NDST3: variants seen among roughly 807,000 people sequenced by gnomAD.
NDST3 encodes the protein bifunctional heparan sulfate N-deacetylase/N-sulfotransferase 3.
Under a neutral mutation model 96.1 loss-of-function variants are expected in NDST3, and 58 were observed. The ratio of observed to expected loss-of-function variants is 0.60; its 90% CI spans 0.49 to 0.75. NDST3 has a LOEUF of 0.75. Ranked by LOEUF, NDST3 falls within the 30% of genes least tolerant of loss-of-function variation. The probability of loss-of-function intolerance (pLI) is 0.00; values close to 1 mark genes in which losing one functional copy is unlikely to be tolerated. For missense variants in NDST3, 788 were observed against 1,034.2 expected, an observed-to-expected ratio of 0.76 and a Z score of 3.27; for synonymous variants, 333 against 359.7, an observed-to-expected ratio of 0.93 and a Z score of 0.84.
chr4:118,236,534 A>G (rs887733339), intron 9 of NDST3, among the ~76,000 whole-genome samples: 5 of 152,252 alleles, frequency 3.3e-5, no homozygotes, highest in African/African-American at 1.2e-4. Flanking sequence ...TATACCAGAT[A>G]TACTCTGCAT....
At chr4:118,140,325 T>C (rs1733469074) in intron 5 of NDST3, among the ~76,000 whole-genome samples, 2 of 152,212 alleles carry the variant, frequency 1.3e-5, no homozygotes, top group African/African-American at 4.8e-5. Flanking sequence ...TACAGGGATC[T>C]TATTCTCCTC....
intron 1 of NDST3, among the ~76,000 whole-genome samples, chr4:118,052,771 A>G (rs1725152946): frequency 6.6e-6 from 1 of 152,002 alleles, no homozygotes; most frequent in African/African-American, 2.4e-5. Context: ...TACCAGAGGA[A>G]GTGTAATCCT....
chr4:118,084,765 G>C (rs1364089441), intron 2 of NDST3, among the ~76,000 whole-genome samples: 1 of 152,112 alleles, frequency 6.6e-6, no homozygotes, highest in Non-Finnish European at 1.5e-5. Flanking sequence ...TTTTAACTTA[G>C]TTCCATAGGA....
At chr4:118,103,788 T>G (rs1384064810) in intron 2 of NDST3, among the ~76,000 whole-genome samples, 1 of 152,168 alleles carries the variant, frequency 6.6e-6, no homozygotes, top group African/African-American at 2.4e-5. Flanking sequence ...GACGCACATA[T>G]TACATGGTTC....
chr4:118,138,238 T>C lies in NDST3; in HGVS notation c.1409T>C (p.Met470Thr). 2 of 1,613,132 alleles carry C rather than the reference T, an allele frequency of 1.2e-6. No homozygotes were observed. The highest frequency in any genetic ancestry group is 1.7e-6 in the Non-Finnish European group (2 of 1,179,484). Residue 470 changes from methionine to threonine, a missense_variant and splice_region_variant, in exon 5 of 14, where the codon ATG (methionine) becomes ACG (threonine). Around this residue, in one of 3 missense-constraint regions of NDST3, gnomAD observed 490 missense variants for 708.8 expected, o/e 0.69. Coordinates refer to ENST00000296499, the MANE Select transcript of NDST3 (RefSeq NM_004784.3). ...AGGGGTTTTATCCACAAAAACATCA[T>C]GGTGAGCTTCCTCCAGTATGCATAG... ...YRRGFIHKNI[M>T]VLPRQTCGLF...
At chr4:118,075,466 T>A (rs552929515) in intron 2 of NDST3, among the ~76,000 whole-genome samples, 13 of 152,348 alleles carry the variant, frequency 8.5e-5, no homozygotes, top group African/African-American at 2.9e-4. Flanking sequence ...CCTTGAGGAA[T>A]CACCACACTG....
At chr4:118,224,429 T>C (rs771378324) in intron 6 of NDST3, 62 bp from the exon 7 acceptor site, 108 of 1,437,294 alleles carry the variant, frequency 7.5e-5, no homozygotes, top group Non-Finnish European at 1.0e-4. Context: ...TGGCTGTGAT[T>C]ATACTGCCCT....
chr4:118,059,117 T>C (rs1725691284), intron 2 of NDST3, among the ~76,000 whole-genome samples: 1 of 152,062 alleles, frequency 6.6e-6, no homozygotes, highest in African/African-American at 2.4e-5. Flanking sequence ...AGGTACACAT[T>C]CCTTTCAAAC....
chr4:118,082,119 G>A (rs1250985831), intron 2 of NDST3, among the ~76,000 whole-genome samples: 4 of 152,036 alleles, frequency 2.6e-5, no homozygotes, highest in African/African-American at 4.8e-5. Context: ...TCTCTGGTAC[G>A]TCACAAAACA....
At chr4:118,190,496 C>T (rs914738908) in intron 6 of NDST3, among the ~76,000 whole-genome samples, 7 of 152,078 alleles carry the variant, frequency 4.6e-5, no homozygotes, top group Non-Finnish European at 7.4e-5. Flanking sequence ...GGTACCTTCC[C>T]TAATGTCTTC....
chr4:118,048,869 C>T (rs1218416413), intron 1 of NDST3, among the ~76,000 whole-genome samples: 1 of 152,120 alleles, frequency 6.6e-6, no homozygotes, highest in Non-Finnish European at 1.5e-5. Context: ...ACCTGACCAA[C>T]TAGATCTAAT....
chr4:118,161,992 C>T (rs1233023677), intron 6 of NDST3, among the ~76,000 whole-genome samples: 1 of 152,180 alleles, frequency 6.6e-6, no homozygotes. Context: ...TAGACCGGAG[C>T]TGTTCCTATT....
Position 118,237,128 on chromosome 4 carries a change from G to A in NDST3, c.2026G>A (p.Glu676Lys). Residue 676 changes from glutamate to lysine, a missense_variant, in exon 10 of 14, where the codon GAA becomes AAA. Coordinates refer to ENST00000296499, the MANE Select transcript of NDST3 (RefSeq NM_004784.3). ...EKSANYFHSE[E>K]APKRAASLVP... ...GAGTGCCAATTACTTCCACTCAGAG[G>A]AAGCCCCTAAAAGAGCTGCTTCTCT... 6.2e-7 allele frequency: 1 copy of A among 1,613,446 alleles called. No individual in the cohort carries two copies. The highest frequency in any genetic ancestry group is 8.5e-7 in the Non-Finnish European group (1 of 1,179,674).
chr4:118,110,588 A>T (rs1449980266), intron 3 of NDST3, among the ~76,000 whole-genome samples: 5 of 152,244 alleles, frequency 3.3e-5, no homozygotes, highest in Admixed American at 6.5e-5. Context: ...GATTTTAAAT[A>T]TAATATCAGA....
chr4:118,197,293 G>A lies in NDST3; in HGVS notation c.1540-27198G>A, dbSNP rs189756497. On this transcript the variant is annotated intron_variant, in intron 6 of 13. Coordinates refer to ENST00000296499, the MANE Select transcript of NDST3 (RefSeq NM_004784.3). ...TGTCCTTCAGAATAATCTATATGCT[G>A]GGGAAAAGAATGTGTATTCTGCAGT... Among the ~76,000 whole-genome samples, 74 of 143,818 alleles carry A rather than the reference G, an allele frequency of 5.1e-4. 1 individual carries two copies. In the East Asian group the frequency reaches 0.012, roughly 23 times the overall value. 94.4% of individuals were successfully genotyped at this position (143,818 alleles called of 152,430 possible).
At position 118,126,542 on chromosome 4, in the gene NDST3, A is replaced by G. The variant is rs1206495639; in HGVS notation, c.1225-11512A>G. On this transcript the variant is annotated intron_variant, in intron 4 of 13. Coordinates refer to ENST00000296499, the MANE Select transcript of NDST3 (RefSeq NM_004784.3). ...TATATATATATATATATACACATAT[A>G]TATATATATATACACCTCATAATAT... 3.8e-5 allele frequency among the ~76,000 whole-genome samples: 4 copies of G among 105,858 alleles called. No individual in the cohort carries two copies. In the Admixed American group the frequency reaches 4.8e-4, roughly 13 times the overall value. 69.4% of individuals were successfully genotyped at this position (105,858 alleles called of 152,430 possible).
chr4:118,138,344 G>A, intron 5 of NDST3, 105 bp downstream of exon 5: 1 of 977,466 alleles, frequency 1.0e-6, no homozygotes, highest in Non-Finnish European at 1.5e-6. Flanking sequence ...TGTAGGAAAA[G>A]CTCCATGCTG....
At chr4:118,061,658 A>AT (rs1725904494) in intron 2 of NDST3, among the ~76,000 whole-genome samples, 1 of 152,256 alleles carries the variant, frequency 6.6e-6, no homozygotes, top group African/African-American at 2.4e-5. Context: ...TGTAAGCTTT[A>AT]TTAGGGCAAG....
At chr4:118,156,347 T>C (rs979743970) in intron 6 of NDST3, among the ~76,000 whole-genome samples, 14 of 152,252 alleles carry the variant, frequency 9.2e-5, no homozygotes, top group African/African-American at 3.4e-4. Context: ...TGTGTTCTCA[T>C]GGTACTCAGG....
Sources: gnomAD v4.1 joint callset for allele counts (sites outside exome capture counted in the v4.1 genomes callset) on GRCh38, gnomAD v4.1.1 for gene constraint, gnomAD v4.1.1 regional missense constraint, MANE v1.5 for transcripts, NCBI Gene and HGNC (gene_info 2026-07-23, HGNC 2026-07-21) for gene names.